The following APEX2 variants were observed in gnomAD, a reference collection of about 807,000 sequenced individuals.
APEX2 encodes the protein apurinic/apyrimidinic endodeoxyribonuclease 2.
APEX2 carries 4 observed loss-of-function variants against 16.7 expected under a neutral mutation model. The observed-to-expected ratio is 0.24, with a 90% confidence interval of 0.12 to 0.55. The LOEUF (loss-of-function observed/expected upper bound fraction) is 0.55, where lower values mean the gene tolerates loss of function less well. APEX2 is among the 20% of genes least tolerant of loss of function. The pLI is 0.94. For synonymous variants in APEX2, 181 were observed against 166.9 expected (o/e 1.08, Z -0.65); for missense variants, 357 against 433.6 (o/e 0.82, Z 1.57).
rs1935456218 is a variant in APEX2, at chrX:55,002,419, A to G, written c.410A>G (p.Gln137Arg). Residue 137 changes from glutamine to arginine, a missense_variant, in exon 3 of 6, where the codon CAG becomes CGG. Transcript: ENST00000374987. ...AGTGAGGGCAGGGCCCTCCTCACAC[A>G]GCATAAGATCCGGTAATAGCTCATA... is the stretch of plus-strand genomic sequence containing the variant. ...LDSEGRALLT[Q>R]HKIRTWEGKE... The G allele has an allele frequency of 1.7e-6, 2 of 1,192,754 alleles. No homozygotes were observed. The highest frequency in any genetic ancestry group is 2.4e-5 in the Admixed American group (1 of 42,367).
chrX:55,000,870 C>G (rs917911730), intron 1 of APEX2, among the ~76,000 whole-genome samples: 1 of 110,030 alleles, frequency 9.1e-6, no homozygotes, highest in East Asian at 2.9e-4. Context: ...CTTCCATACG[C>G]TGTCCATCTC....
rs141646629 is a variant in APEX2 at position 55,001,608 on chromosome X, C to T, written c.220C>T (p.Arg74Cys). ...TTATAACTCCTATTTCAGCTTCAGC[C>T]GCAACCGTAGCGGCTATTCTGGTAA... ...EGYNSYFSFS[R>C]NRSGYSGVAT... is the part of the protein sequence containing the mutation. The change falls in exon 2 of 6, where the codon CGC becomes TGC. Residue 74 changes from arginine (R) to cysteine (C), a missense_variant. Coordinates refer to ENST00000374987, the MANE Select transcript of APEX2 (RefSeq NM_014481.4). 6.6e-6 allele frequency: 8 copies of T among 1,204,407 alleles called. No individual in the cohort carries two copies. The highest frequency in any genetic ancestry group is 2.2e-5 in the Admixed American group (1 of 45,268).
chrX:55,002,340 G>T lies in APEX2; in HGVS notation c.331G>T (p.Gly111Cys). 8.3e-7 allele frequency: 1 copy of T among 1,211,400 alleles called. No homozygotes were observed. Residue 111 changes from glycine (G) to cysteine (C), a missense_variant, in exon 3 of 6, where the codon GGT (glycine) becomes TGT (cysteine). Transcript: ENST00000374987. ...GTTTGCCACCCAGAATGGGGATGTT[G>T]GTTGCTATGGAAACATGGATGAGTT... Reference protein sequence around the residue: ...GLFATQNGDVGCYGNMDEFTQ... With the variant: ...GLFATQNGDVCCYGNMDEFTQ...
intron 3 of APEX2, among the ~76,000 whole-genome samples, chrX:55,002,666 T>C (rs1935460362): frequency 1.8e-5 from 2 of 111,995 alleles, no homozygotes; most frequent in African/African-American, 6.5e-5. Flanking sequence ...CCAGCTCTTA[T>C]TACCATAGAC....
rs1208889904 is a variant in APEX2 at position 55,007,096 on chromosome X, C to G, written c.1218C>G (p.Ala406=). The change falls in exon 6 of 6, where the codon GCC becomes GCG. Residue 406 remains alanine (A), a synonymous_variant. Coordinates refer to ENST00000374987, the MANE Select transcript of APEX2 (RefSeq NM_014481.4). The part of the protein sequence containing the change: ...YFQPSPSCPQ[A]SPDIELPSLP... ...AGCCCTCCCCTAGCTGTCCCCAAGC[C>G]TCTCCTGACATAGAGCTGCCTAGCC... 26 of 1,210,169 alleles carry G rather than the reference C, an allele frequency of 2.1e-5. No homozygotes were observed. Among genetic ancestry groups the G allele is most frequent in the South Asian group, 3.5e-5 (2 of 56,803 alleles).
Position 55,006,522 on chromosome X carries a change from G to A in APEX2, c.644G>A (p.Cys215Tyr). The change falls in exon 6 of 6, where the codon TGC (cysteine) becomes TAC (tyrosine). Residue 215 changes from cysteine to tyrosine, a missense_variant. By Grantham distance (194) the Cys-to-Tyr change is radical. Coordinates refer to ENST00000374987, the MANE Select transcript of APEX2 (RefSeq NM_014481.4). Reference sequence around the variant, plus strand: ...CCCCCTTTCCTCCTCACCTAGGAATGCTTTGAAGAGGACCCAGGGCGCAAG... The same window carrying A: ...CCCCCTTTCCTCCTCACCTAGGAATACTTTGAAGAGGACCCAGGGCGCAAG... ...IDHWDAVNLE[C>Y]FEEDPGRKWM... 1 of 1,117,559 alleles carries A rather than the reference G, an allele frequency of 8.9e-7. No individual in the cohort carries two copies. The highest frequency in any genetic ancestry group is 1.2e-6 in the Non-Finnish European group (1 of 849,857). 92.1% of individuals were successfully genotyped at this position (1,117,559 alleles called of 1,213,427 possible). A position where few individuals can be genotyped will look rare whatever the true frequency, so the allele number is the denominator to read the frequency against.
Position 55,006,969 on chromosome X carries a change from G to C in APEX2, c.1091G>C (p.Arg364Pro). 1 of 1,211,898 alleles carries C rather than the reference G, an allele frequency of 8.3e-7. No individual in the cohort carries two copies. Among genetic ancestry groups the C allele is most frequent in the Non-Finnish European group, 1.1e-6 (1 of 895,532 alleles). ...QSTLQHNNQTRVQTCQNKAQV... is the reference protein window; with the variant it reads ...QSTLQHNNQTPVQTCQNKAQV... ...ACGCTGCAGCACAACAATCAAACCC[G>C]GGTACAGACATGCCAAAACAAAGCC... The change falls in exon 6 of 6, where the codon CGG becomes CCG. Residue 364 changes from arginine (R) to proline (P), a missense_variant. Arg to Pro is a moderately radical substitution (Grantham distance 103). Coordinates refer to ENST00000374987, the MANE Select transcript of APEX2 (RefSeq NM_014481.4).
chrX:55,007,652 C>T lies in APEX2; in HGVS notation c.*217C>T. ...TGACCCAGCCCCTTACACCACTTTC[C>T]ACCTTCCTGTCCGAAGTACACGGAC... is the stretch of plus-strand genomic sequence containing the variant. On this transcript the variant is annotated 3_prime_UTR_variant, in exon 6 of 6. Transcript: ENST00000374987. 2.8e-6 allele frequency: 1 copy of T among 352,896 alleles called. No homozygotes were observed. The highest frequency in any genetic ancestry group is 4.3e-5 in the East Asian group (1 of 23,052). 29.1% of individuals were successfully genotyped at this position (352,896 alleles called of 1,213,427 possible). A position where few individuals can be genotyped will look rare whatever the true frequency, so the allele number is the denominator to read the frequency against.
chrX:55,000,363 A>G lies in APEX2; in HGVS notation c.-60A>G, dbSNP rs868318810. On this transcript the variant is annotated 5_prime_UTR_variant, in exon 1 of 6. Transcript: ENST00000374987. The stretch of plus-strand genomic sequence containing the variant: ...AGGCGGGCCTGGCCAACTTCTGAAC[A>G]GGAAGCAGTTCGCTCGCGCCTAGGT... The G allele has an allele frequency of 4.6e-6, 5 of 1,085,037 alleles. No homozygotes were observed. The highest frequency in any genetic ancestry group is 4.8e-5 in the South Asian group (2 of 41,935). The allele number at this position is 1,085,037 out of a possible 1,213,427, so 89.4% of individuals were successfully genotyped here.
In APEX2 at chrX:55,006,702, G is replaced by A. The variant is rs1393968930; in HGVS notation, c.824G>A (p.Arg275Gln). The A allele has an allele frequency of 8.5e-7, 1 of 1,171,420 alleles. No homozygotes were observed. Among genetic ancestry groups the A allele is most frequent in the African/African-American group, 1.8e-5 (1 of 56,403 alleles). The change falls in exon 6 of 6, where the codon CGG (arginine) becomes CAG (glutamine). Residue 275 changes from arginine (R) to glutamine (Q), a missense_variant. By Grantham distance (43) the Arg-to-Gln change is conservative. Transcript: ENST00000374987. ...GCCCGCCATCTCAACTATGGCTCCC[G>A]GCTTGACTATGTGCTGGGGGACAGG... is the stretch of plus-strand genomic sequence containing the variant. ...TGARHLNYGS[R>Q]LDYVLGDRTL...
chrX:55,005,867 T>C (rs1935492134), intron 5 of APEX2, among the ~76,000 whole-genome samples: 1 of 110,919 alleles, frequency 9.0e-6, no homozygotes, highest in Admixed American at 9.7e-5. Flanking sequence ...GAAGCCTCCT[T>C]GGTCCCCAGG....
At chrX:55,005,648 A>T (rs923653386) in intron 5 of APEX2, among the ~76,000 whole-genome samples, 1 of 111,532 alleles carries the variant, frequency 9.0e-6, no homozygotes, top group African/African-American at 3.3e-5. Context: ...CCCTAGTCCA[A>T]GTGACCATCA....
chrX:55,006,323 G>A (rs1023556581), intron 5 of APEX2, among the ~76,000 whole-genome samples, 195 bp from the exon 6 acceptor site: 4 of 111,589 alleles, frequency 3.6e-5, no homozygotes, highest in Non-Finnish European at 7.5e-5. Flanking sequence ...AACAAGCATG[G>A]TCTTTTAAAT....
chrX:55,003,173 C>T, intron 4 of APEX2, 65 bp downstream of exon 4: 5 of 1,159,593 alleles, frequency 4.3e-6, no homozygotes, highest in Non-Finnish European at 5.8e-6. Context: ...CTGTGTCAAG[C>T]TCCATTGAAA....
rs1935416806 is a variant in APEX2, at chrX:55,000,369, C to T, written c.-54C>T. 1.8e-6 allele frequency: 2 copies of T among 1,091,776 alleles called. No individual in the cohort carries two copies. Among genetic ancestry groups the T allele is most frequent in the Non-Finnish European group, 1.2e-6 (1 of 835,010 alleles). The allele number at this position is 1,091,776 out of a possible 1,213,427, so 90.0% of individuals were successfully genotyped here. ...GCCTGGCCAACTTCTGAACAGGAAG[C>T]AGTTCGCTCGCGCCTAGGTTGGCGC... On this transcript the variant is annotated 5_prime_UTR_variant, in exon 1 of 6. Coordinates refer to ENST00000374987, the MANE Select transcript of APEX2 (RefSeq NM_014481.4).
At chrX:55,000,710 C>T (rs1569547602) in intron 1 of APEX2, 131 bp downstream of exon 1, 2 of 768,530 alleles carry the variant, frequency 2.6e-6, no homozygotes, top group Non-Finnish European at 3.6e-6. Context: ...GGTCCCTTCC[C>T]TCTTAAACTT....
rs747345054 is a variant in APEX2 at position 55,000,387 on chromosome X, G to T, written c.-36G>T. 1.3e-5 allele frequency: 15 copies of T among 1,121,808 alleles called. No individual in the cohort carries two copies. In the East Asian group the frequency reaches 3.8e-4, roughly 28 times the overall value. 92.4% of individuals were successfully genotyped at this position (1,121,808 alleles called of 1,213,427 possible). A position where few individuals can be genotyped will look rare whatever the true frequency, so the allele number is the denominator to read the frequency against. ...CAGGAAGCAGTTCGCTCGCGCCTAGGTTGGCGCGGGCTGGGAGGTGTTCCA... is the reference window on the plus strand; with the variant it reads ...CAGGAAGCAGTTCGCTCGCGCCTAGTTTGGCGCGGGCTGGGAGGTGTTCCA... On this transcript the variant is annotated 5_prime_UTR_variant, in exon 1 of 6. Transcript: ENST00000374987.
intron 5 of APEX2, among the ~76,000 whole-genome samples, chrX:55,005,565 T>C (rs1043495866): frequency 8.9e-6 from 1 of 112,043 alleles, no homozygotes; most frequent in Non-Finnish European, 1.9e-5. Flanking sequence ...CACATTCAGT[T>C]AGTCAGCAAG....
rs151248821 is a variant in APEX2 at position 55,006,803 on chromosome X, G to A, written c.925G>A (p.Ala309Thr). Residue 309 changes from alanine to threonine, a missense_variant, in exon 6 of 6, where the codon GCA becomes ACA. Ala to Thr is a moderately conservative substitution (Grantham distance 58). Coordinates refer to ENST00000374987, the MANE Select transcript of APEX2 (RefSeq NM_014481.4). ...VMGSDHCPVGAVLSVSSVPAK... is the reference protein window; with the variant it reads ...VMGSDHCPVGTVLSVSSVPAK... ...GGGCTCTGACCACTGCCCTGTGGGT[G>A]CAGTCTTGAGTGTGTCCTCTGTGCC... 8.3e-6 allele frequency: 10 copies of A among 1,211,809 alleles called. No individual in the cohort carries two copies. Among genetic ancestry groups the A allele is most frequent in the Non-Finnish European group, 1.1e-5 (10 of 895,473 alleles).
Sources: allele counts gnomAD v4.1 joint callset (sites outside exome capture counted in the v4.1 genomes callset), GRCh38; gene constraint gnomAD v4.1.1; transcripts MANE v1.5; gene names NCBI Gene and HGNC (gene_info 2026-07-23, HGNC 2026-07-21).